Variants in ADGRL3 observed in about 807,000 individuals in gnomAD.
ADGRL3 encodes calcium-independent alpha-latrotoxin receptor 3.
Under a neutral mutation model 153.5 loss-of-function variants are expected in ADGRL3, and 62 were observed. That is an observed-to-expected ratio of 0.40 (90% CI 0.33 to 0.50). The LOEUF (loss-of-function observed/expected upper bound fraction) is 0.50. Ranked by LOEUF, ADGRL3 falls within the 20% of genes least tolerant of loss-of-function variation. The pLI is 0.47. For missense variants in ADGRL3, 1,641 were observed against 1,859.4 expected, an observed-to-expected ratio of 0.88 and a Z score of 2.16; for synonymous variants, 710 against 672.5, an observed-to-expected ratio of 1.06 and a Z score of -0.86.
chr4:61,768,070 C>G lies in ADGRL3; in HGVS notation c.1399+34516C>G, dbSNP rs1028168941. On this transcript the variant is annotated intron_variant, in intron 8 of 26. Transcript: ENST00000683033. ...AAAGTGTCTCAGGGTTGCTGCCAAA[C>G]GAGCCATGAACTGGGCTGGATTTTT... 2.6e-5 allele frequency among the ~76,000 whole-genome samples: 4 copies of G among 151,978 alleles called. No homozygotes were observed. The East Asian group carries it at 7.7e-4, about 29-fold the overall frequency.
In ADGRL3 at chr4:61,379,473, A is replaced by G. The variant is rs138771862; in HGVS notation, c.-239-3651A>G. On this transcript the variant is annotated intron_variant, in intron 1 of 26. Coordinates refer to ENST00000683033, the MANE Select transcript of ADGRL3 (RefSeq NM_001387552.1). Reference sequence around the variant, plus strand: ...CTTGTAGACAAAAAGATACTCCATCATAAAAATTTCTCTAACTCGTTGTAT... The same window carrying G: ...CTTGTAGACAAAAAGATACTCCATCGTAAAAATTTCTCTAACTCGTTGTAT... Among the ~76,000 whole-genome samples the G allele has an allele frequency of 5.4e-3, 825 of 152,200 alleles. 7 individuals carry two copies. Among genetic ancestry groups the G allele is most frequent in the African/African-American group, 0.019 (782 of 41,552 alleles).
intron 22 of ADGRL3, among the ~76,000 whole-genome samples, chr4:62,030,003 A>G (rs1283901758): frequency 2.0e-5 from 3 of 151,598 alleles, no homozygotes; most frequent in Non-Finnish European, 3.0e-5. Flanking sequence ...AACATGTAAT[A>G]TGTAATAGCA....
At chr4:61,962,010 T>G (rs1428031952) in intron 17 of ADGRL3, among the ~76,000 whole-genome samples, 2 of 152,138 alleles carry the variant, frequency 1.3e-5, no homozygotes, top group Non-Finnish European at 2.9e-5. Flanking sequence ...TATATTTTGC[T>G]GGATTATTTG....
At chr4:61,263,638 C>T (rs2092681536) in intron 1 of ADGRL3, among the ~76,000 whole-genome samples, 2 of 151,986 alleles carry the variant, frequency 1.3e-5, no homozygotes, top group Admixed American at 6.6e-5. Context: ...TGCTGCTAGT[C>T]GTTTAATGAG....
chr4:61,888,382 T>C (rs1464787730), intron 9 of ADGRL3, among the ~76,000 whole-genome samples: 2 of 152,246 alleles, frequency 1.3e-5, no homozygotes, highest in African/African-American at 4.8e-5. Context: ...ATATCGCCTC[T>C]CCATTGCTGG....
intron 17 of ADGRL3, among the ~76,000 whole-genome samples, chr4:61,968,121 A>G (rs2099013528): frequency 6.6e-6 from 1 of 152,216 alleles, no homozygotes; most frequent in South Asian, 2.1e-4. Flanking sequence ...ATTGAGGATT[A>G]AGTTTCCAAC....
chr4:61,609,453 T>G (rs896761155), intron 5 of ADGRL3, among the ~76,000 whole-genome samples: 54 of 152,224 alleles, frequency 3.5e-4, no homozygotes, highest in African/African-American at 1.3e-3. Context: ...CTGATTAATT[T>G]TCATGGCTAT....
chr4:61,660,007 G>A (rs1162860460), intron 5 of ADGRL3, among the ~76,000 whole-genome samples: 1 of 151,978 alleles, frequency 6.6e-6, no homozygotes, highest in Non-Finnish European at 1.5e-5. Flanking sequence ...GGGGACAGAG[G>A]AGAAAGATAT....
intron 2 of ADGRL3, among the ~76,000 whole-genome samples, chr4:61,405,758 C>A (rs1234719748): frequency 6.6e-6 from 1 of 151,780 alleles, no homozygotes; most frequent in Non-Finnish European, 1.5e-5. Flanking sequence ...GTATTAAATG[C>A]AAAACATGTT....
intron 17 of ADGRL3, among the ~76,000 whole-genome samples, chr4:61,950,160 A>G (rs2150339669): frequency 6.6e-6 from 1 of 152,308 alleles, no homozygotes; most frequent in South Asian, 2.1e-4. Flanking sequence ...ATTTTTAACC[A>G]TACTGTTCAG....
intron 5 of ADGRL3, among the ~76,000 whole-genome samples, chr4:61,662,548 G>A (rs1431156402): frequency 2.0e-4 from 30 of 152,324 alleles, no homozygotes; most frequent in Non-Finnish European, 4.3e-4. Flanking sequence ...CAAAGGTGGG[G>A]GCTGAGGGTA....
At chr4:62,034,836 A>T (rs547354312) in intron 23 of ADGRL3, among the ~76,000 whole-genome samples, 1 of 151,866 alleles carries the variant, frequency 6.6e-6, no homozygotes, top group Non-Finnish European at 1.5e-5. Flanking sequence ...TACTTTTGTC[A>T]TACATTCAAA....
At chr4:61,423,480 A>T (rs990473089) in intron 2 of ADGRL3, among the ~76,000 whole-genome samples, 3 of 152,218 alleles carry the variant, frequency 2.0e-5, no homozygotes, top group Admixed American at 2.0e-4. Context: ...TGTGTTAGAT[A>T]ATCTGGACTT....
At chr4:61,566,187 AG>A (rs138261049) in intron 4 of ADGRL3, among the ~76,000 whole-genome samples, 31,597 of 152,052 alleles carry the variant, frequency 0.21, 3,460 homozygotes, top group Non-Finnish European at 0.23. Flanking sequence ...ATATGTTTGC[AG>A]GGTTGGTTTC....
intron 8 of ADGRL3, among the ~76,000 whole-genome samples, chr4:61,791,182 C>T (rs1039137135): frequency 3.3e-5 from 5 of 152,132 alleles, no homozygotes; most frequent in African/African-American, 1.2e-4. Context: ...TCCAAAGTCT[C>T]ATCTGAGATA....
intron 5 of ADGRL3, among the ~76,000 whole-genome samples, chr4:61,609,517 G>T (rs915559070): frequency 5.3e-5 from 8 of 151,978 alleles, no homozygotes; most frequent in African/African-American, 1.9e-4. Flanking sequence ...GGTTCATGCA[G>T]AAAACACCCA....
chr4:61,384,748 C>G (rs1017360599), intron 2 of ADGRL3, among the ~76,000 whole-genome samples: 4 of 151,394 alleles, frequency 2.6e-5, no homozygotes, highest in Admixed American at 2.6e-4. Context: ...AACTCTCAGC[C>G]CTAAAGAAAT....
At chr4:61,884,131 A>G (rs192970862) in intron 9 of ADGRL3, among the ~76,000 whole-genome samples, 626 of 152,338 alleles carry the variant, frequency 4.1e-3, no homozygotes, top group African/African-American at 0.014. Flanking sequence ...GATGGAATAA[A>G]TTAATCTTAT....
chr4:61,327,163 G>T (rs551665535), intron 1 of ADGRL3, among the ~76,000 whole-genome samples: 2 of 152,002 alleles, frequency 1.3e-5, no homozygotes, highest in South Asian at 2.1e-4. Flanking sequence ...AGCCACTAAG[G>T]TGCAAAGTGA....
Sources: gnomAD v4.1 joint callset for allele counts (sites outside exome capture counted in the v4.1 genomes callset) on GRCh38, gnomAD v4.1.1 for gene constraint, MANE v1.5 for transcripts, NCBI Gene and HGNC (gene_info 2026-07-23, HGNC 2026-07-21) for gene names.